The following MMP8 variants were observed in gnomAD, a reference collection of about 807,000 sequenced individuals.
MMP8 encodes the protein matrix metallopeptidase 8.
A neutral mutation model predicts 51.2 loss-of-function variants in MMP8; 67 were observed. The observed-to-expected ratio is 1.31, with a 90% CI of 1.08 to 1.60. The LOEUF is 1.60. MMP8 is among the 40% of genes most tolerant of loss of function. The pLI, the probability that MMP8 is intolerant of heterozygous loss-of-function variation, is 0.00. For synonymous variants in MMP8, 225 were observed against 191.0 expected (o/e 1.18, Z -1.47); for missense variants, 654 against 558.1 (o/e 1.17, Z -1.73).
intron 7 of MMP8, 148 bp downstream of exon 7, chr11:102,715,156 T>C: frequency 1.1e-6 from 1 of 944,642 alleles, no homozygotes; most frequent in Non-Finnish European, 1.5e-6. Context: ...TTAGTGGTCC[T>C]GATGGGGCCC....
intron 5 of MMP8, 138 bp from the exon 6 acceptor site, chr11:102,716,557 A>G: frequency 2.3e-6 from 1 of 428,198 alleles, no homozygotes; most frequent in Non-Finnish European, 4.2e-6. Context: ...TATACCATAA[A>G]GTATTAAAGT....
chr11:102,716,422 GGA>G lies in MMP8; in HGVS notation c.785-5_785-4del. On this transcript the variant is annotated splice_region_variant and splice_polypyrimidine_tract_variant and intron_variant, in intron 5 of 9. Coordinates refer to ENST00000236826, the MANE Select transcript of MMP8 (RefSeq NM_002424.3). ...TTGGATAGGGTTGCTTGAAAGTCCTGGAAAAAAAAAAAAAAAAAAAAAAAAGG... is the reference window on the plus strand; with the variant it reads ...TTGGATAGGGTTGCTTGAAAGTCCTGAAAAAAAAAAAAAAAAAAAAAAAGG... 35 of 495,714 alleles carry G rather than the reference GGA, an allele frequency of 7.1e-5. No homozygotes were observed. The highest frequency in any genetic ancestry group is 2.9e-4 in the South Asian group (7 of 24,126). The allele number at this position is 495,714 out of a possible 1,614,324, so 30.7% of individuals were successfully genotyped here. A position where few individuals can be genotyped will look rare whatever the true frequency, so the allele number is the denominator to read the frequency against.
At chr11:102,714,762 T>TTTTA (rs1491319742) in intron 7 of MMP8, 53 bp from the exon 8 acceptor site, 1 of 173,920 alleles carries the variant, frequency 5.7e-6, no homozygotes, top group Admixed American at 9.0e-5. Context: ...TTTTACAAAA[T>TTTTA]TATATATATA....
At chr11:102,717,188 T>A (rs971736808) in intron 5 of MMP8, among the ~76,000 whole-genome samples, 1 of 152,178 alleles carries the variant, frequency 6.6e-6, no homozygotes, top group Non-Finnish European at 1.5e-5. Flanking sequence ...TTCCATTCCA[T>A]TCCACACTTT....
intron 4 of MMP8, among the ~76,000 whole-genome samples, chr11:102,718,951 T>G (rs1301109733): frequency 1.3e-5 from 2 of 152,124 alleles, no homozygotes; most frequent in Non-Finnish European, 2.9e-5. Context: ...TCCCAGACAC[T>G]CAGCCTCACG....
intron 4 of MMP8, 150 bp downstream of exon 4, chr11:102,721,251 G>A (rs1319612162): frequency 9.4e-7 from 1 of 1,059,450 alleles, no homozygotes; most frequent in Non-Finnish European, 1.3e-6. Flanking sequence ...AATTGACTTA[G>A]TATCATGAGG....
chr11:102,715,648 G>A (rs940038306), intron 6 of MMP8, among the ~76,000 whole-genome samples: 3 of 152,182 alleles, frequency 2.0e-5, no homozygotes, highest in Non-Finnish European at 4.4e-5. Flanking sequence ...AGCTTTCAGG[G>A]AAGGTTATGG....
intron 5 of MMP8, 93 bp downstream of exon 5, chr11:102,718,321 C>G (rs34829643): frequency 7.6e-7 from 1 of 1,316,030 alleles, no homozygotes; most frequent in East Asian, 2.5e-5. Flanking sequence ...ATGGAAACTG[C>G]AGAAGTGCAA....
chr11:102,715,660 A>G (rs973252579), intron 6 of MMP8, among the ~76,000 whole-genome samples: 3 of 152,198 alleles, frequency 2.0e-5, no homozygotes, highest in Non-Finnish European at 4.4e-5. Flanking sequence ...AGGTTATGGG[A>G]GTGATCTTAT....
chr11:102,718,331 AAGGAAGAGATATTCAG>A (rs1861363878), intron 5 of MMP8, 67 bp downstream of exon 5: 4 of 1,387,252 alleles, frequency 2.9e-6, no homozygotes, highest in Non-Finnish European at 4.0e-6. Flanking sequence ...CAGAAGTGCA[AAGGAAGAGATATTCAG>A]ATTCTGGGAG....
chr11:102,720,935 T>C (rs1279338088), intron 4 of MMP8, among the ~76,000 whole-genome samples: 1 of 151,496 alleles, frequency 6.6e-6, no homozygotes, highest in Non-Finnish European at 1.5e-5. Flanking sequence ...CATCACTAAA[T>C]TTGGGAATAT....
At chr11:102,714,045 T>C (rs1291595534) in intron 8 of MMP8, among the ~76,000 whole-genome samples, 188 bp from the exon 9 acceptor site, 7 of 152,232 alleles carry the variant, frequency 4.6e-5, no homozygotes, top group African/African-American at 1.7e-4. Context: ...ATAAAACATA[T>C]GGTTATCATT....
rs1273886930 is a variant in MMP8 at position 102,722,562 on chromosome 11, ACCCAAAAAATCGCT to A, written c.200_213del (p.Gln67LeufsTer9). ...TCATTTGGCTTCCCCGTCACATTCA[ACCCAAAAAATCGCT>A]GCATTTCTTTAAGCTTTTCAACGAT... On this transcript the variant is annotated frameshift_variant, in exon 2 of 10. Transcript: ENST00000236826. LOFTEE classifies it high-confidence loss of function. 2.5e-6 allele frequency: 4 copies of A among 1,613,966 alleles called. No homozygotes were observed. In the African/African-American group the frequency reaches 5.3e-5, roughly 22 times the overall value.
intron 6 of MMP8, 94 bp downstream of exon 6, chr11:102,716,208 A>T: frequency 1.1e-6 from 1 of 906,372 alleles, no homozygotes; most frequent in Non-Finnish European, 1.7e-6. Flanking sequence ...TATAGAATTC[A>T]AGGAAAAGGT....
intron 2 of MMP8, 58 bp from the exon 3 acceptor site, chr11:102,721,820 A>G (rs1861482664): frequency 2.5e-6 from 4 of 1,578,756 alleles, no homozygotes; most frequent in Admixed American, 3.4e-5. Context: ...TAGTCCATCA[A>G]CTGATGAGTT....
At chr11:102,721,883 G>T in intron 2 of MMP8, 121 bp from the exon 3 acceptor site, 4 of 1,171,356 alleles carry the variant, frequency 3.4e-6, no homozygotes, top group Non-Finnish European at 4.8e-6. Context: ...GAGAGGATAA[G>T]GAGGGAGTGC....
rs564692983 is a variant in MMP8, at chr11:102,712,164, T to C, written c.*1184A>G. On this transcript the variant is annotated 3_prime_UTR_variant, in exon 10 of 10. Coordinates refer to ENST00000236826, the MANE Select transcript of MMP8 (RefSeq NM_002424.3). ...TTATGCAGCTAACCCAAGTTATCTA[T>C]AGTGTGTGCCCTCCTGAGTACCCCA... 4 of 152,276 alleles carry C rather than the reference T, an allele frequency of 2.6e-5. No individual in the cohort carries two copies. The highest frequency in any genetic ancestry group is 2.1e-4 in the South Asian group (1 of 4,824). 9.4% of individuals were successfully genotyped at this position (152,276 alleles called of 1,614,324 possible).
chr11:102,715,464 A>G (rs570778524), intron 6 of MMP8, 27 bp from the exon 7 acceptor site: 35 of 1,600,270 alleles, frequency 2.2e-5, no homozygotes, highest in Admixed American at 1.2e-4. Flanking sequence ...AAACACACAC[A>G]CACACTTATA....
rs752004808 is a variant in MMP8 at position 102,721,631 on chromosome 11, A to T, written c.479T>A (p.Ile160Asn). 6.2e-7 allele frequency: 1 copy of T among 1,613,826 alleles called. No homozygotes were observed. Among genetic ancestry groups the T allele is most frequent in the African/African-American group, 1.3e-5 (1 of 75,030 alleles). The change falls in exon 3 of 10, where the codon ATT becomes AAT. Residue 160 changes from isoleucine to asparagine, a missense_variant. Transcript: ENST00000236826. ...GTACCTACCTCTTTGGTAAAAAGCA[A>T]TGTTGATATCTGCCTCTCCCTGTGA... ...RISQGEADINIAFYQRDHGDN... is the reference protein window; with the variant it reads ...RISQGEADINNAFYQRDHGDN...
Sources: allele counts gnomAD v4.1 joint callset (sites outside exome capture counted in the v4.1 genomes callset), GRCh38; gene constraint gnomAD v4.1.1; transcripts MANE v1.5; gene names NCBI Gene and HGNC (gene_info 2026-07-23, HGNC 2026-07-21).